The following STPG2 variants were observed in gnomAD, a reference collection of about 807,000 sequenced individuals.
STPG2 encodes sperm-tail PG-rich repeat-containing protein 2.
STPG2 carries 56 observed loss-of-function variants against 54.2 expected under a neutral mutation model. The ratio of observed to expected loss-of-function variants is 1.03; its 90% CI spans 0.83 to 1.29. The LOEUF (loss-of-function observed/expected upper bound fraction) is 1.29, where lower values mean the gene tolerates loss of function less well. STPG2 is among the 50% of genes most tolerant of loss of function. STPG2 has a pLI of 0.00. For missense variants in STPG2, 596 were observed against 544.9 expected (o/e 1.09, Z -0.93); for synonymous variants, 200 against 181.8 (o/e 1.10, Z -0.81).
rs184072563 is a variant in STPG2, at chr4:97,565,431, A to G, written c.1321-6314T>C. ...GATCATCTGAAGCCTTCTTCTCTCA[A>G]CTCGTCAAAGTCATTCTCTGTCCAG... On this transcript the variant is annotated intron_variant, in intron 10 of 10. Transcript: ENST00000295268. Among the ~76,000 whole-genome samples the G allele has an allele frequency of 7.4e-3, 1,128 of 152,158 alleles. 12 individuals are homozygous for G. Among genetic ancestry groups the G allele is most frequent in the Non-Finnish European group, 0.012 (802 of 67,992 alleles).
chr4:98,143,262 G>T lies in STPG2; in HGVS notation c.-112C>A. ...GCCGACACCAGTCTGAGGAGGCCGG[G>T]AAAGAACTTCCGTAAACAGGGAAAT... On this transcript the variant is annotated 5_prime_UTR_variant, in exon 1 of 11. Coordinates refer to ENST00000295268, the MANE Select transcript of STPG2 (RefSeq NM_174952.3). The T allele has an allele frequency of 1.3e-6, 1 of 747,330 alleles. No homozygotes were observed. The highest frequency in any genetic ancestry group is 1.8e-5 in the South Asian group (1 of 54,266). 46.3% of individuals were successfully genotyped at this position (747,330 alleles called of 1,614,324 possible). A position where few individuals can be genotyped will look rare whatever the true frequency, so the allele number is the denominator to read the frequency against.
intron 1 of STPG2, among the ~76,000 whole-genome samples, chr4:98,136,719 C>G (rs1379328616): frequency 6.6e-6 from 1 of 151,552 alleles, no homozygotes; most frequent in African/African-American, 2.4e-5. Context: ...AAAGGGTGAG[C>G]TGGGAGAAAT....
intron 8 of STPG2, among the ~76,000 whole-genome samples, chr4:97,854,998 C>T (rs547682068): frequency 6.6e-6 from 1 of 152,094 alleles, no homozygotes; most frequent in Admixed American, 6.5e-5. Context: ...TGAGAACATG[C>T]GATATTTAGT....
intron 5 of STPG2, among the ~76,000 whole-genome samples, chr4:98,086,607 C>T (rs1738521733): frequency 7.9e-6 from 1 of 126,054 alleles, no homozygotes; most frequent in Non-Finnish European, 1.6e-5. Flanking sequence ...ATTTGCCAAA[C>T]ATCCAAAACT....
chr4:97,845,819 C>T (rs7664051), intron 8 of STPG2, among the ~76,000 whole-genome samples: 1 of 151,926 alleles, frequency 6.6e-6, no homozygotes, highest in South Asian at 2.1e-4. Context: ...TAGAAGAGAC[C>T]TTCCTATGTA....
chr4:98,020,032 T>G (rs1358371438), intron 5 of STPG2, among the ~76,000 whole-genome samples: 3 of 120,294 alleles, frequency 2.5e-5, no homozygotes, highest in East Asian at 2.2e-4. Flanking sequence ...CTAATTGCCC[T>G]GGCCAGAACT....
At chr4:97,976,991 T>C (rs1734519884) in intron 6 of STPG2, among the ~76,000 whole-genome samples, 3 of 152,284 alleles carry the variant, frequency 2.0e-5, no homozygotes, top group African/African-American at 7.2e-5. Flanking sequence ...TTAAATTATT[T>C]TGAGCCTTAA....
chr4:97,990,763 A>G (rs1560625275), intron 5 of STPG2, among the ~76,000 whole-genome samples: 1 of 152,216 alleles, frequency 6.6e-6, no homozygotes, highest in Non-Finnish European at 1.5e-5. Context: ...GCATCTTTTC[A>G]TCTGTAACCT....
At chr4:97,515,099 T>C (rs1273570828) in intron 4 of STPG2, among the ~76,000 whole-genome samples, 1 of 152,104 alleles carries the variant, frequency 6.6e-6, no homozygotes, top group Non-Finnish European at 1.5e-5. Context: ...TATAAAGATA[T>C]ACAGTTATAA....
intron 4 of STPG2, among the ~76,000 whole-genome samples, chr4:97,458,427 C>G (rs1169779286): frequency 6.6e-6 from 1 of 152,002 alleles, no homozygotes; most frequent in Non-Finnish European, 1.5e-5. Context: ...CTTTCTTTCT[C>G]AAACTCATAA....
At chr4:97,565,674 C>G (rs1160590318) in intron 10 of STPG2, among the ~76,000 whole-genome samples, 1 of 152,180 alleles carries the variant, frequency 6.6e-6, no homozygotes, top group Non-Finnish European at 1.5e-5. Flanking sequence ...AGCTGCAGGT[C>G]TGTTGGAGTT....
At chr4:97,488,926 G>T (rs1190479495) in intron 4 of STPG2, among the ~76,000 whole-genome samples, 2 of 151,636 alleles carry the variant, frequency 1.3e-5, no homozygotes, top group Non-Finnish European at 3.0e-5. Flanking sequence ...TAGACAGATA[G>T]ATGGTGACAT....
chr4:97,634,189 C>A (rs1038958448), intron 10 of STPG2, among the ~76,000 whole-genome samples: 37 of 152,150 alleles, frequency 2.4e-4, no homozygotes, highest in African/African-American at 6.8e-4. Flanking sequence ...TGACCCCTGA[C>A]CCCCGAGCAC....
intron 4 of STPG2, among the ~76,000 whole-genome samples, chr4:97,533,559 A>G (rs1352675643): frequency 1.3e-5 from 2 of 152,084 alleles, no homozygotes; most frequent in South Asian, 2.1e-4. Flanking sequence ...ATATTCTCTC[A>G]TACTCCTTTG....
intron 8 of STPG2, among the ~76,000 whole-genome samples, chr4:97,864,757 G>A (rs1401619718): frequency 6.6e-6 from 1 of 151,960 alleles, no homozygotes; most frequent in Admixed American, 6.6e-5. Flanking sequence ...TAGACCAATG[G>A]AACAGAACAG....
chr4:97,887,657 G>A (rs977920949), intron 8 of STPG2, among the ~76,000 whole-genome samples: 1 of 152,212 alleles, frequency 6.6e-6, no homozygotes, highest in Non-Finnish European at 1.5e-5. Flanking sequence ...TTTGTAGCCT[G>A]CTCATGTGGT....
intron 5 of STPG2, among the ~76,000 whole-genome samples, chr4:98,035,228 C>T (rs189341845): frequency 2.0e-3 from 302 of 152,110 alleles, no homozygotes; most frequent in African/African-American, 7.2e-3. Context: ...CCAGAATCTA[C>T]AAAGAACTTA....
intron 5 of STPG2, among the ~76,000 whole-genome samples, chr4:98,060,385 G>A (rs1439200467): frequency 6.6e-6 from 1 of 151,484 alleles, no homozygotes; most frequent in East Asian, 1.9e-4. Context: ...TCTACAATGA[G>A]AGCTACAAAC....
chr4:97,559,197 C>A, intron 10 of STPG2, 80 bp from the exon 11 acceptor site: 3 of 896,082 alleles, frequency 3.3e-6, no homozygotes, highest in Non-Finnish European at 5.2e-6. Flanking sequence ...TTAAACATTA[C>A]CAAAGAATAA....
Sources: gnomAD v4.1 joint callset for allele counts (sites outside exome capture counted in the v4.1 genomes callset) on GRCh38, gnomAD v4.1.1 for gene constraint, MANE v1.5 for transcripts, NCBI Gene and HGNC (gene_info 2026-07-23, HGNC 2026-07-21) for gene names.